The following MMP26 variants were observed in gnomAD, a reference collection of about 807,000 sequenced individuals.
MMP26 encodes matrix metalloproteinase-26.
In MMP26, 33 loss-of-function variants were observed where a neutral mutation model predicts 31.0. The ratio of observed to expected loss-of-function variants is 1.06; its 90% CI spans 0.81 to 1.42. MMP26 has a LOEUF of 1.42. Among genes scored for constraint, MMP26 ranks in the 40% most tolerant of loss-of-function variants. The pLI is 0.00. For missense variants in MMP26, 347 were observed against 316.1 expected (o/e 1.10, Z -0.74); for synonymous variants, 122 against 114.9 (o/e 1.06, Z -0.40).
chr11:4,817,634 TG>T (rs1237682371), intron 2 of MMP26, among the ~76,000 whole-genome samples: 1 of 152,094 alleles, frequency 6.6e-6, no homozygotes, highest in African/African-American at 2.4e-5. Flanking sequence ...TTTCATATTT[TG>T]GGGGAAAAAT....
intron 2 of MMP26, chr11:4,915,740 C>T: frequency 1.1e-6 from 1 of 938,896 alleles, no homozygotes; most frequent in Non-Finnish European, 1.6e-6. Flanking sequence ...GTGATTGCAC[C>T]TGGTGGAAAT....
chr11:4,964,900 C>T lies in MMP26; in HGVS notation c.-144-23168C>T, dbSNP rs543034558. Among the ~76,000 whole-genome samples the T allele has an allele frequency of 2.9e-3, 441 of 152,236 alleles. 2 individuals are homozygous for T. The highest frequency in any genetic ancestry group is 8.6e-3 in the African/African-American group (357 of 41,548). On this transcript the variant is annotated intron_variant, in intron 2 of 7. Coordinates refer to ENST00000380390, the MANE Select transcript of MMP26 (RefSeq NM_021801.5). ...CATGGACACATGCAGGGGAACAACACACACTGGGACCTGTTGGAGAGTTGG... is the reference window on the plus strand; with the variant it reads ...CATGGACACATGCAGGGGAACAACATACACTGGGACCTGTTGGAGAGTTGG...
At chr11:4,851,314 G>A (rs1010455063) in intron 2 of MMP26, among the ~76,000 whole-genome samples, 1 of 152,176 alleles carries the variant, frequency 6.6e-6, no homozygotes, top group Non-Finnish European at 1.5e-5. Flanking sequence ...CAGTTAGCAC[G>A]GCAATTTTGG....
intron 2 of MMP26, among the ~76,000 whole-genome samples, chr11:4,854,689 CT>C (rs1564794411): frequency 3.3e-5 from 5 of 152,202 alleles, no homozygotes; most frequent in Admixed American, 2.6e-4. Context: ...TTAAATGTCC[CT>C]GTTTGACAGC....
At position 4,971,529 on chromosome 11, in the gene MMP26, C is replaced by T. The variant is rs192450176; in HGVS notation, c.-144-16539C>T. On this transcript the variant is annotated intron_variant, in intron 2 of 7. Transcript: ENST00000380390. The stretch of plus-strand genomic sequence containing the variant: ...TTGTTGTAGGGAGAGGGATTGGGCT[C>T]AACTCTAAATGAACAGTGAAAAGTA... Among the ~76,000 whole-genome samples, 3 of 152,162 alleles carry T rather than the reference C, an allele frequency of 2.0e-5. No individual in the cohort carries two copies. In the East Asian group the frequency reaches 5.8e-4, roughly 29 times the overall value.
intron 2 of MMP26, chr11:4,769,689 C>G (rs1410550082): frequency 6.2e-7 from 1 of 1,612,802 alleles, no homozygotes; most frequent in Non-Finnish European, 8.5e-7. Flanking sequence ...AATGAAGAAA[C>G]AGTCAAGCCC....
chr11:4,856,527 C>G (rs1298178632), intron 2 of MMP26, among the ~76,000 whole-genome samples: 1 of 152,150 alleles, frequency 6.6e-6, no homozygotes, highest in Admixed American at 6.5e-5. Context: ...GCTAACTGTC[C>G]TAAATATATA....
At chr11:4,764,874 T>TCACACACA (rs149703459) in intron 1 of MMP26, among the ~76,000 whole-genome samples, 123 of 151,402 alleles carry the variant, frequency 8.1e-4, no homozygotes, top group Middle Eastern at 3.4e-3. Context: ...CGAGACTCCA[T>TCACACACA]CACAGACACA....
At chr11:4,754,602 A>G (rs767703325) in intron 1 of MMP26, among the ~76,000 whole-genome samples, 16 of 151,958 alleles carry the variant, frequency 1.1e-4, no homozygotes, top group Admixed American at 2.6e-4. Flanking sequence ...AAACCATTCA[A>G]GTTTATTCTC....
intron 2 of MMP26, chr11:4,944,839 A>T (rs1486054623): frequency 6.6e-6 from 1 of 152,124 alleles, no homozygotes; most frequent in Non-Finnish European, 1.5e-5. Context: ...TGAAATAGAC[A>T]ATTTAAAAAA....
intron 1 of MMP26, among the ~76,000 whole-genome samples, chr11:4,726,864 C>T (rs1439155228): frequency 3.3e-5 from 5 of 151,920 alleles, no homozygotes; most frequent in Non-Finnish European, 7.4e-5. Flanking sequence ...AAAAATTAGC[C>T]AGGCATGATA....
chr11:4,723,300 C>A, intron 1 of MMP26: 1 of 1,015,136 alleles, frequency 9.9e-7, no homozygotes, highest in South Asian at 1.3e-5. Context: ...CATCCTCCTG[C>A]TTCCCAGCCA....
chr11:4,991,985 C>G lies in MMP26; in HGVS notation c.617C>G (p.Ala206Gly). The G allele has an allele frequency of 6.2e-7, 1 of 1,606,358 alleles. No homozygotes were observed. Among genetic ancestry groups the G allele is most frequent in the Non-Finnish European group, 8.5e-7 (1 of 1,178,084 alleles). Reference protein sequence around the residue: ...SDTGYNLFLVATHEIGHSLGL... With the variant: ...SDTGYNLFLVGTHEIGHSLGL... ...TCAGGATATAATCTGTTCCTGGTTG[C>G]AACTCATGAGATTGGGCATTCTTTG... Residue 206 changes from alanine (A) to glycine (G), a missense_variant, in exon 7 of 8, where the codon GCA (alanine) becomes GGA (glycine). Coordinates refer to ENST00000380390, the MANE Select transcript of MMP26 (RefSeq NM_021801.5).
chr11:4,848,083 A>G (rs2133496658), intron 2 of MMP26: 2 of 751,444 alleles, frequency 2.7e-6, no homozygotes, highest in South Asian at 2.0e-5. Context: ...GTTTGCATCA[A>G]TATACACAGG....
At chr11:4,781,781 G>A (rs549398634) in intron 2 of MMP26, among the ~76,000 whole-genome samples, 5 of 152,222 alleles carry the variant, frequency 3.3e-5, no homozygotes, top group South Asian at 2.1e-4. Context: ...CTGGTAGGAA[G>A]TGATTGAATT....
chr11:4,907,081 A>C lies in MMP26; in HGVS notation c.-144-80987A>C, dbSNP rs111914008. On this transcript the variant is annotated intron_variant, in intron 2 of 7. Transcript: ENST00000380390. Reference sequence around the variant, plus strand: ...ATTGCACTCCAGCCTGGGCAACAAGAGCAAAACTCCCTCTAAAAAAAAAAA... The same window carrying C: ...ATTGCACTCCAGCCTGGGCAACAAGCGCAAAACTCCCTCTAAAAAAAAAAA... Among the ~76,000 whole-genome samples the C allele has an allele frequency of 4.0e-3, 439 of 109,450 alleles. 4 individuals are homozygous for C. Among genetic ancestry groups the C allele is most frequent in the African/African-American group, 0.012 (421 of 35,006 alleles). 71.8% of individuals were successfully genotyped at this position (109,450 alleles called of 152,430 possible).
At chr11:4,884,768 TTTTC>T (rs1850526397) in intron 2 of MMP26, among the ~76,000 whole-genome samples, 1 of 152,184 alleles carries the variant, frequency 6.6e-6, no homozygotes, top group African/African-American at 2.4e-5. Flanking sequence ...ACAGTATTTT[TTTTC>T]TTTCTTAAGT....
intron 2 of MMP26, chr11:4,923,680 G>C: frequency 6.2e-7 from 1 of 1,613,968 alleles, no homozygotes. Context: ...GGATGAGGGC[G>C]TATGAGAGAA....
At chr11:4,899,355 C>T (rs577425645) in intron 2 of MMP26, among the ~76,000 whole-genome samples, 11 of 152,226 alleles carry the variant, frequency 7.2e-5, no homozygotes, top group South Asian at 2.1e-4. Context: ...AGTTTGTGAA[C>T]GAACTACAAC....
Sources: gnomAD v4.1 joint callset for allele counts (sites outside exome capture counted in the v4.1 genomes callset) on GRCh38, gnomAD v4.1.1 for gene constraint, MANE v1.5 for transcripts, NCBI Gene and HGNC (gene_info 2026-07-23, HGNC 2026-07-21) for gene names.